BCAS3: variants seen among roughly 807,000 people sequenced by gnomAD.
BCAS3 encodes the protein BCAS4/BCAS3 fusion.
Under a neutral mutation model 116.1 loss-of-function variants are expected in BCAS3, and 53 were observed. That is an observed-to-expected ratio of 0.46 (90% CI 0.37 to 0.57). BCAS3 has a LOEUF of 0.57. BCAS3 is among the 20% of genes least tolerant of loss of function. BCAS3 has a pLI of 0.00. For missense variants in BCAS3, 917 were observed against 1,165.4 expected, an observed-to-expected ratio of 0.79 and a Z score of 3.10; for synonymous variants, 391 against 408.2, an observed-to-expected ratio of 0.96 and a Z score of 0.51.
intron 13 of BCAS3, among the ~76,000 whole-genome samples, chr17:60,927,549 CT>C (rs1567887639): frequency 6.6e-6 from 1 of 152,206 alleles, no homozygotes; most frequent in East Asian, 1.9e-4. Context: ...GCCACCACCC[CT>C]GGTCCTTTCC....
intron 22 of BCAS3, among the ~76,000 whole-genome samples, chr17:61,221,808 T>C (rs1215875440): frequency 2.0e-5 from 3 of 152,162 alleles, no homozygotes; most frequent in Non-Finnish European, 2.9e-5. Context: ...GAGAGTATGA[T>C]GTGAAAAGCA....
In BCAS3 at chr17:61,186,054, G is replaced by A. The variant is rs1284653228; in HGVS notation, c.2425+101490G>A. On this transcript the variant is annotated intron_variant, in intron 22 of 23. Transcript: ENST00000407086. This position sits in a 1 kb window ranked among gnomAD's most constrained non-coding sequence, Gnocchi z 4.9. The stretch of plus-strand genomic sequence containing the variant: ...TTAGGAGAGATGTAACATTAGGATG[G>A]AGGGTGAAATATAATTTTTATTTTT... Among the ~76,000 whole-genome samples, 1 of 152,154 alleles carries A rather than the reference G, an allele frequency of 6.6e-6. No homozygotes were observed. Among genetic ancestry groups the A allele is most frequent in the Non-Finnish European group, 1.5e-5 (1 of 68,006 alleles).
intron 5 of BCAS3, among the ~76,000 whole-genome samples, chr17:60,713,246 T>C (rs1321521574): frequency 6.6e-6 from 1 of 152,234 alleles, no homozygotes; most frequent in Non-Finnish European, 1.5e-5. Flanking sequence ...GAATATCGTT[T>C]TCTGAGCCCC....
rs150893851 is a variant in BCAS3 at position 60,895,285 on chromosome 17, C to T, written c.738+5514C>T. ...GTTTTTTCCTGATTCAATCTTGTTA[C>T]GTTAGGTTGTATGTTTCCAGGAATT... On this transcript the variant is annotated intron_variant, in intron 10 of 23. Coordinates refer to ENST00000407086, the MANE Select transcript of BCAS3 (RefSeq NM_017679.5). Among the ~76,000 whole-genome samples the T allele has an allele frequency of 2.4e-4, 37 of 152,106 alleles. No homozygotes were observed. The East Asian group carries it at 7.0e-3, about 29-fold the overall frequency.
At position 61,224,470 on chromosome 17, in the gene BCAS3, A is replaced by G. The variant is rs1310252406; in HGVS notation, c.2425+139906A>G. 1.3e-5 allele frequency among the ~76,000 whole-genome samples: 2 copies of G among 152,234 alleles called. No homozygotes were observed. The highest frequency in any genetic ancestry group is 2.9e-5 in the Non-Finnish European group (2 of 68,040). On this transcript the variant is annotated intron_variant, in intron 22 of 23. Transcript: ENST00000407086. The surrounding 1 kb of genome is among the most constrained non-coding windows in gnomAD (Gnocchi z 5.7). ...AGTGCTCGGAAAACAGGGTGTACAT[A>G]TGGGGACGAGCAGGTGGTTTGGTTT... is the stretch of plus-strand genomic sequence containing the variant.
chr17:61,329,343 A>ATTTTTTTTTTTTTTT (rs35909318), intron 22 of BCAS3, among the ~76,000 whole-genome samples: 2 of 131,278 alleles, frequency 1.5e-5, no homozygotes, highest in African/African-American at 5.9e-5. Context: ...TATTATTATT[A>ATTTTTTTTTTTTTTT]TTTTTTTTTT....
intron 9 of BCAS3, among the ~76,000 whole-genome samples, chr17:60,881,106 C>A (rs2056098483): frequency 1.3e-5 from 2 of 152,166 alleles, no homozygotes; most frequent in Admixed American, 6.6e-5. Context: ...TCCCGAGTAG[C>A]TGGGACTACA....
intron 6 of BCAS3, among the ~76,000 whole-genome samples, chr17:60,776,097 T>A (rs2045256798): frequency 5.3e-5 from 8 of 152,244 alleles, no homozygotes; most frequent in Non-Finnish European, 1.5e-5. Context: ...CTTATTTCCC[T>A]CTGTATGGGA....
chr17:61,211,548 G>A lies in BCAS3; in HGVS notation c.2425+126984G>A, dbSNP rs967350054. On this transcript the variant is annotated intron_variant, in intron 22 of 23. Coordinates refer to ENST00000407086, the MANE Select transcript of BCAS3 (RefSeq NM_017679.5). The surrounding 1 kb of genome is among the most constrained non-coding windows in gnomAD (Gnocchi z 4.4). ...GAAAAAAGCACTGTCTACAACAGCAGAGGTGGCCGAGAAAGGCAGACAGGC... is the reference window on the plus strand; with the variant it reads ...GAAAAAAGCACTGTCTACAACAGCAAAGGTGGCCGAGAAAGGCAGACAGGC... Among the ~76,000 whole-genome samples the A allele has an allele frequency of 6.6e-6, 1 of 152,148 alleles. No individual in the cohort carries two copies. Among genetic ancestry groups the A allele is most frequent in the African/African-American group, 2.4e-5 (1 of 41,428 alleles).
chr17:60,891,253 C>T (rs1228282859), intron 10 of BCAS3, among the ~76,000 whole-genome samples: 1 of 152,162 alleles, frequency 6.6e-6, no homozygotes, highest in African/African-American at 2.4e-5. Flanking sequence ...GATGTATTCT[C>T]ACATATGGGG....
chr17:61,293,933 G>A (rs2052665688), intron 22 of BCAS3, among the ~76,000 whole-genome samples: 2 of 152,062 alleles, frequency 1.3e-5, no homozygotes, highest in African/African-American at 4.8e-5. Context: ...GCTTATTTTT[G>A]TATTCTTTTG....
At chr17:61,159,111 TTTC>T (rs752301149) in intron 22 of BCAS3, among the ~76,000 whole-genome samples, 2 of 152,190 alleles carry the variant, frequency 1.3e-5, no homozygotes, top group Non-Finnish European at 2.9e-5. Context: ...AGGTTTTTCT[TTTC>T]TTTTTTCCTT....
At chr17:60,721,993 CTT>C (rs2039290141) in intron 5 of BCAS3, among the ~76,000 whole-genome samples, 1 of 152,112 alleles carries the variant, frequency 6.6e-6, no homozygotes, top group South Asian at 2.1e-4. Flanking sequence ...TGGCTTGTCT[CTT>C]AACATTATGA....
chr17:61,069,029 T>C (rs2071030050), intron 19 of BCAS3, among the ~76,000 whole-genome samples: 1 of 152,032 alleles, frequency 6.6e-6, no homozygotes, highest in Non-Finnish European at 1.5e-5. Flanking sequence ...AGGATAATTC[T>C]ATTTAAAGAA....
chr17:61,176,138 CA>C (rs534042215), intron 22 of BCAS3, among the ~76,000 whole-genome samples: 2,583 of 50,102 alleles, frequency 0.052, 22 homozygotes, highest in African/African-American at 0.15. Flanking sequence ...GACCCTATCT[CA>C]AAAAAAAAAA....
intron 5 of BCAS3, among the ~76,000 whole-genome samples, chr17:60,718,208 T>C (rs1300004839): frequency 1.3e-5 from 2 of 152,126 alleles, no homozygotes; most frequent in Non-Finnish European, 2.9e-5. Context: ...GGCCCAGGGA[T>C]TGGGGGACCC....
intron 7 of BCAS3, among the ~76,000 whole-genome samples, chr17:60,833,718 G>C (rs1056439119): frequency 6.6e-6 from 1 of 152,186 alleles, no homozygotes; most frequent in African/African-American, 2.4e-5. Flanking sequence ...CAGTGGTAAG[G>C]CACTTATATA....
At chr17:60,803,976 T>C (rs1004737185) in intron 6 of BCAS3, among the ~76,000 whole-genome samples, 2 of 150,572 alleles carry the variant, frequency 1.3e-5, no homozygotes, top group East Asian at 2.0e-4. Context: ...TAATTTTTTG[T>C]ATTTTTAGTA....
chr17:60,685,802 C>T (rs759959996), intron 3 of BCAS3, among the ~76,000 whole-genome samples: 18 of 151,982 alleles, frequency 1.2e-4, no homozygotes, highest in South Asian at 2.1e-4. Flanking sequence ...GGTGAGACGT[C>T]GTCATTTTAG....
Sources: allele counts gnomAD v4.1 joint callset (sites outside exome capture counted in the v4.1 genomes callset), GRCh38; gene constraint gnomAD v4.1.1; non-coding constraint Gnocchi (gnomAD v3.1); transcripts MANE v1.5; gene names NCBI Gene and HGNC (gene_info 2026-07-23, HGNC 2026-07-21).